Variants in DNAH17 observed in about 807,000 individuals in gnomAD.
DNAH17 encodes the protein dynein axonemal heavy chain 17.
A neutral mutation model predicts 485.6 loss-of-function variants in DNAH17; 376 were observed. That is an observed-to-expected ratio of 0.77 (90% CI 0.71 to 0.84). DNAH17 has a LOEUF of 0.84. Ranked by LOEUF, DNAH17 falls within the 40% of genes least tolerant of loss-of-function variation. DNAH17 has a pLI of 0.00. For synonymous variants in DNAH17, 3,031 were observed against 2,405.9 expected, an observed-to-expected ratio of 1.26 and a Z score of -7.60; for missense variants, 6,370 against 5,839.3, an observed-to-expected ratio of 1.09 and a Z score of -2.96.
At chr17:78,452,886 A>G (rs1368832476) in intron 65 of DNAH17, among the ~76,000 whole-genome samples, 1 of 152,204 alleles carries the variant, frequency 6.6e-6, no homozygotes, top group Non-Finnish European at 1.5e-5. Context: ...AGGGAGGGGA[A>G]TGAAGAAGAG....
At chr17:78,557,023 GC>G (rs922972519) in intron 14 of DNAH17, among the ~76,000 whole-genome samples, 3 of 152,090 alleles carry the variant, frequency 2.0e-5, no homozygotes, top group Non-Finnish European at 4.4e-5. Context: ...GGACGGGACC[GC>G]CCCCCACCTC....
Position 78,496,048 on chromosome 17 carries a change from C to T in DNAH17, c.5746-16G>A. The T allele has an allele frequency of 6.2e-7, 1 of 1,607,588 alleles. No homozygotes were observed. The highest frequency in any genetic ancestry group is 1.3e-5 in the African/African-American group (1 of 74,934). ...CACATTTTACCTGCACGGTTGGTGA[C>T]ACAGACATGTTAGCATGGAAATGGC... On this transcript the variant is annotated splice_polypyrimidine_tract_variant and intron_variant, in intron 37 of 80. Coordinates refer to ENST00000389840, the MANE Select transcript of DNAH17 (RefSeq NM_173628.4).
rs745353637 is a variant in DNAH17, at chr17:78,453,346, C to G, written c.10526G>C (p.Gly3509Ala). The change falls in exon 65 of 81, where the codon GGA becomes GCA. Residue 3509 changes from glycine (G) to alanine (A), a missense_variant. Transcript: ENST00000389840. ...PLLGRNTIKK[G>A]KYIKIGDKEV... ...CACGGAGGCGGAAACAACTCACTTT[C>G]CCTTTTTAATCGTGTTCCTGCCCAG... The G allele has an allele frequency of 1.9e-5, 31 of 1,613,088 alleles. No individual in the cohort carries two copies. Among genetic ancestry groups the G allele is most frequent in the Non-Finnish European group, 2.5e-5 (30 of 1,179,524 alleles).
At chr17:78,439,715 G>A (rs1321276462) in intron 72 of DNAH17, among the ~76,000 whole-genome samples, 2 of 144,100 alleles carry the variant, frequency 1.4e-5, no homozygotes, top group Non-Finnish European at 3.0e-5. Context: ...TGTCGCCCAG[G>A]CTGGAGTGCA....
chr17:78,485,275 C>T (rs2089548719), intron 47 of DNAH17: 1 of 631,744 alleles, frequency 1.6e-6, no homozygotes, highest in Admixed American at 3.0e-5. Flanking sequence ...CTTTGGGTCG[C>T]CTTAGATTGG....
At chr17:78,443,705 G>A (rs546902563) in intron 71 of DNAH17, among the ~76,000 whole-genome samples, 99 of 152,174 alleles carry the variant, frequency 6.5e-4, no homozygotes, top group African/African-American at 2.3e-3. Context: ...GCCCGCCACC[G>A]CGCCCTGCTA....
chr17:78,518,457 A>G (rs2090846660), intron 25 of DNAH17, among the ~76,000 whole-genome samples: 1 of 152,244 alleles, frequency 6.6e-6, no homozygotes, highest in Non-Finnish European at 1.5e-5. Flanking sequence ...AATAATCCCA[A>G]ATCTGTACAC....
At chr17:78,535,085 G>C (rs779204186) in intron 19 of DNAH17, among the ~76,000 whole-genome samples, 2 of 152,194 alleles carry the variant, frequency 1.3e-5, no homozygotes, top group African/African-American at 2.4e-5. Context: ...GCTCTGGAAT[G>C]TTCTGCCTGA....
chr17:78,516,718 A>C (rs576574974), intron 25 of DNAH17, among the ~76,000 whole-genome samples: 152 of 149,254 alleles, frequency 1.0e-3, no homozygotes, highest in African/African-American at 3.5e-3. Context: ...AAAAAGAGAG[A>C]GAGACAGACT....
chr17:78,446,122 C>T (rs1434251946), intron 69 of DNAH17, among the ~76,000 whole-genome samples: 1 of 118,642 alleles, frequency 8.4e-6, no homozygotes, highest in Non-Finnish European at 1.6e-5. Context: ...TACAGTAAGC[C>T]GAGATTACGC....
chr17:78,459,302 G>T, intron 60 of DNAH17, 94 bp from the exon 61 acceptor site: 2 of 1,203,872 alleles, frequency 1.7e-6, no homozygotes, highest in Non-Finnish European at 2.4e-6. Flanking sequence ...GGGTGGCACA[G>T]CTCTGGAGGG....
At chr17:78,522,380 A>C (rs914123684) in intron 25 of DNAH17, 1 of 285,904 alleles carries the variant, frequency 3.5e-6, no homozygotes, top group Non-Finnish European at 7.0e-6. Flanking sequence ...GAGGAAGAGG[A>C]AGAGGGACTT....
chr17:78,428,619 G>C lies in DNAH17; in HGVS notation c.12494C>G (p.Thr4165Arg). ...GCGGAACAGCTTCTCTGAGGTGACC[G>C]TCAGAAAGCCAATCTCTGCGTTGGG... is the stretch of plus-strand genomic sequence containing the variant. ...LHPNAEIGFLTVTSEKLFRTV... is the reference protein window; with the variant it reads ...LHPNAEIGFLRVTSEKLFRTV... The change falls in exon 77 of 81, where the codon ACG (threonine) becomes AGG (arginine). Residue 4165 changes from threonine (T) to arginine (R), a missense_variant. Coordinates refer to ENST00000389840, the MANE Select transcript of DNAH17 (RefSeq NM_173628.4). The C allele has an allele frequency of 6.2e-7, 1 of 1,613,948 alleles. No homozygotes were observed. The highest frequency in any genetic ancestry group is 8.5e-7 in the Non-Finnish European group (1 of 1,179,902).
Position 78,480,677 on chromosome 17 carries a change from T to C in DNAH17, c.7752+7A>G. 1 of 1,612,164 alleles carries C rather than the reference T, an allele frequency of 6.2e-7. No homozygotes were observed. The highest frequency in any genetic ancestry group is 1.1e-5 in the South Asian group (1 of 90,862). ...AGGTGACGGGGATGAGTATGGTTTC[T>C]GCTTACCTGAAGCCTGGAGTCGATG... On this transcript the variant is annotated splice_region_variant and intron_variant, in intron 49 of 80. Coordinates refer to ENST00000389840, the MANE Select transcript of DNAH17 (RefSeq NM_173628.4).
At chr17:78,539,427 G>A (rs1309162176) in intron 18 of DNAH17, among the ~76,000 whole-genome samples, 1 of 152,062 alleles carries the variant, frequency 6.6e-6, no homozygotes, top group Admixed American at 6.6e-5. Flanking sequence ...ATGAGTAGGG[G>A]GCAGTGGTGT....
At chr17:78,508,608 C>T (rs1363476615) in intron 27 of DNAH17, among the ~76,000 whole-genome samples, 1 of 152,022 alleles carries the variant, frequency 6.6e-6, no homozygotes, top group Non-Finnish European at 1.5e-5. Flanking sequence ...GCCTCCTCTA[C>T]CTATGATGCC....
rs145742397 is a variant in DNAH17 at position 78,424,111 on chromosome 17, C to T, written c.13184G>A (p.Arg4395Gln). 1.0e-4 allele frequency: 168 copies of T among 1,613,664 alleles called. 2 individuals carry two copies. In the African/African-American group the frequency reaches 1.1e-3, roughly 11 times the overall value. The change falls in exon 81 of 81, where the codon CGG becomes CAG. Residue 4395 changes from arginine to glutamine, a missense_variant. Coordinates refer to ENST00000389840, the MANE Select transcript of DNAH17 (RefSeq NM_173628.4). ...CATGGCCGGGGTCAGCTCTTTCAGCCGCGCTTCAGCGATGACTCCAGTCTG... is the reference window on the plus strand; with the variant it reads ...CATGGCCGGGGTCAGCTCTTTCAGCTGCGCTTCAGCGATGACTCCAGTCTG... Reference protein sequence around the residue: ...DTQTGVIAEARLKELTPAMPV... With the variant: ...DTQTGVIAEAQLKELTPAMPV...
intron 6 of DNAH17, 116 bp from the exon 7 acceptor site, chr17:78,570,488 A>G: frequency 7.6e-7 from 1 of 1,314,232 alleles, no homozygotes; most frequent in African/African-American, 1.5e-5. Context: ...GGGTTCCCAA[A>G]GAGGAGGGGA....
rs781052614 is a variant in DNAH17 at position 78,525,169 on chromosome 17, C to A, written c.3712-8G>T. ...GGAGATGCTCTTTTGTTGCTAGGGG[C>A]GGCGAGGGGGCCGTCAGTAGGGCTA... On this transcript the variant is annotated splice_polypyrimidine_tract_variant and splice_region_variant and intron_variant, in intron 24 of 80. Coordinates refer to ENST00000389840, the MANE Select transcript of DNAH17 (RefSeq NM_173628.4). 2.5e-6 allele frequency: 4 copies of A among 1,610,646 alleles called. No homozygotes were observed. The African/African-American group carries it at 4.0e-5, about 16-fold the overall frequency.
Sources: gnomAD v4.1 joint callset for allele counts (sites outside exome capture counted in the v4.1 genomes callset) on GRCh38, gnomAD v4.1.1 for gene constraint, MANE v1.5 for transcripts, NCBI Gene and HGNC (gene_info 2026-07-23, HGNC 2026-07-21) for gene names.